WDFY4: variants seen among roughly 807,000 people sequenced by gnomAD.
The protein encoded by WDFY4 is WDFY family member 4.
WDFY4 carries 169 observed loss-of-function variants against 351.9 expected under a neutral mutation model. The observed-to-expected ratio is 0.48, with a 90% CI of 0.42 to 0.55. The LOEUF is 0.55. Ranked by LOEUF, WDFY4 falls within the 20% of genes least tolerant of loss-of-function variation. WDFY4 has a pLI of 0.00. For synonymous variants in WDFY4, 1,622 were observed against 1,574.6 expected (o/e 1.03, Z -0.71); for missense variants, 3,803 against 3,935.6 (o/e 0.97, Z 0.90).
At chr10:48,961,379 C>A (rs1262047983) in intron 53 of WDFY4, among the ~76,000 whole-genome samples, 1 of 152,028 alleles carries the variant, frequency 6.6e-6, no homozygotes, top group Non-Finnish European at 1.5e-5. Flanking sequence ...AAGATGTAGC[C>A]AAAAACAGGT....
intron 39 of WDFY4, among the ~76,000 whole-genome samples, chr10:48,850,682 A>C (rs1373518429): frequency 6.6e-6 from 1 of 152,194 alleles, no homozygotes; most frequent in Non-Finnish European, 1.5e-5. Flanking sequence ...GAGTACCCTG[A>C]GTGTTGGCCC....
chr10:48,760,537 C>T (rs1283280138), intron 13 of WDFY4, 97 bp downstream of exon 13: 1 of 1,205,620 alleles, frequency 8.3e-7, no homozygotes, highest in East Asian at 2.6e-5. Context: ...TTGTCCGTGT[C>T]TTCAGTGCCC....
rs368877125 is a variant in WDFY4, at chr10:48,729,669, C to T, written c.1129+80C>T. The T allele has an allele frequency of 6.1e-6, 9 of 1,486,058 alleles. 1 individual carries two copies. The African/African-American group carries it at 1.1e-4, about 18-fold the overall frequency. 92.1% of individuals were successfully genotyped at this position (1,486,058 alleles called of 1,614,324 possible). A position where few individuals can be genotyped will look rare whatever the true frequency, so the allele number is the denominator to read the frequency against. ...GGCTACAGAGGGTCTTCTCCTGATTCTTTGTGTACCTTTCAATGGTGCAGT... is the reference window on the plus strand; with the variant it reads ...GGCTACAGAGGGTCTTCTCCTGATTTTTTGTGTACCTTTCAATGGTGCAGT... On this transcript the variant is annotated intron_variant, in intron 8 of 61. Transcript: ENST00000325239.
intron 51 of WDFY4, among the ~76,000 whole-genome samples, chr10:48,955,153 T>C (rs1422916565): frequency 6.6e-6 from 1 of 152,230 alleles, no homozygotes; most frequent in Non-Finnish European, 1.5e-5. Context: ...TACATTTCAA[T>C]GAGTGACTCG....
intron 47 of WDFY4, among the ~76,000 whole-genome samples, chr10:48,908,584 C>A (rs1279050757): frequency 2.0e-5 from 3 of 151,404 alleles, no homozygotes; most frequent in African/African-American, 4.9e-5. Context: ...CAGCACTGGG[C>A]AGATGTATAA....
Position 48,799,894 on chromosome 10 carries a change from T to C in WDFY4, c.4411-3392T>C, listed in dbSNP as rs139705846. Among the ~76,000 whole-genome samples the C allele has an allele frequency of 2.1e-3, 318 of 152,254 alleles. 1 individual carries two copies. Among genetic ancestry groups the C allele is most frequent in the African/African-American group, 7.4e-3 (307 of 41,542 alleles). ...CTTTTGGTTTTGGGTTTTTGTTTTT[T>C]GTTTTTTTTTGAGACAGAGTCTCAC... On this transcript the variant is annotated intron_variant, in intron 24 of 61. Transcript: ENST00000325239.
chr10:48,800,692 T>TTCTTTC (rs2067042943), intron 24 of WDFY4, among the ~76,000 whole-genome samples: 1 of 137,262 alleles, frequency 7.3e-6, no homozygotes, highest in Non-Finnish European at 1.5e-5. Flanking sequence ...CTTTCTTTCT[T>TTCTTTC]TCTTTCTTTC....
chr10:48,740,287 T>C lies in WDFY4; in HGVS notation c.1879-2681T>C, dbSNP rs1038616853. 3.9e-5 allele frequency among the ~76,000 whole-genome samples: 6 copies of C among 152,226 alleles called. No individual in the cohort carries two copies. The South Asian group carries it at 1.2e-3, about 31-fold the overall frequency. ...ACATCGCAGTGAACAGCCTTTGGTA[T>C]GGTTTATCAGTTAGAAAGGAGGGAC... is the stretch of plus-strand genomic sequence containing the variant. On this transcript the variant is annotated intron_variant, in intron 11 of 61. Transcript: ENST00000325239.
At chr10:48,969,995 A>G (rs1842267969) in intron 56 of WDFY4, 136 bp from the exon 57 acceptor site, 2 of 1,099,450 alleles carry the variant, frequency 1.8e-6, no homozygotes, top group South Asian at 1.7e-5. Flanking sequence ...TTTGTCACCA[A>G]GAACTGGCTC....
Position 48,743,092 on chromosome 10 carries a change from C to G in WDFY4, c.2003C>G (p.Ala668Gly), listed in dbSNP as rs2064903771. The change falls in exon 12 of 62, where the codon GCA becomes GGA. Residue 668 changes from alanine to glycine, a missense_variant. Around this residue, in one of 3 missense-constraint regions of WDFY4, gnomAD observed 3,054 missense variants for 3,148.6 expected, o/e 0.97. Coordinates refer to ENST00000325239, the MANE Select transcript of WDFY4 (RefSeq NM_001394531.1). ...TCCCTCCAGGAGCCCCCGCTGCAGG[C>G]ATGGGGAGCAGTATCCCCCAGACAG... is the stretch of plus-strand genomic sequence containing the variant. ...EGSLQEPPLQ[A>G]WGAVSPRQTL... 1 of 1,551,606 alleles carries G rather than the reference C, an allele frequency of 6.4e-7. No individual in the cohort carries two copies. Among genetic ancestry groups the G allele is most frequent in the African/African-American group, 1.4e-5 (1 of 73,040 alleles).
At chr10:48,888,006 C>T (rs552266779) in intron 43 of WDFY4, among the ~76,000 whole-genome samples, 1 of 152,082 alleles carries the variant, frequency 6.6e-6, no homozygotes, top group Admixed American at 6.6e-5. Flanking sequence ...GGAAAATTAT[C>T]TAAGATGAAT....
At chr10:48,794,111 C>G (rs1311854904) in intron 23 of WDFY4, among the ~76,000 whole-genome samples, 1 of 152,126 alleles carries the variant, frequency 6.6e-6, no homozygotes, top group Non-Finnish European at 1.5e-5. Context: ...ATAGCCTTAC[C>G]ACTGTGGGGA....
chr10:48,764,765 G>A (rs993672427), intron 13 of WDFY4, among the ~76,000 whole-genome samples: 1 of 152,234 alleles, frequency 6.6e-6, no homozygotes, highest in Non-Finnish European at 1.5e-5. Flanking sequence ...CACCTACTAT[G>A]TGCCTTTGGG....
chr10:48,761,433 C>T lies in WDFY4; in HGVS notation c.2553+993C>T, dbSNP rs74802016. On this transcript the variant is annotated intron_variant, in intron 13 of 61. Transcript: ENST00000325239. ...GGCAAGAGTTAGGAGTCTCTGCCTG[C>T]GGTCCATGTGATGTGTGGTGATAGC... Among the ~76,000 whole-genome samples the T allele has an allele frequency of 1.4e-3, 219 of 152,152 alleles. 3 individuals are homozygous for T. Among genetic ancestry groups the T allele is most frequent in the Middle Eastern group, 0.014 (4 of 294 alleles).
chr10:48,796,577 C>G (rs915650460), intron 24 of WDFY4, 127 bp downstream of exon 24: 2 of 1,304,632 alleles, frequency 1.5e-6, no homozygotes, highest in Non-Finnish European at 2.1e-6. Flanking sequence ...AGAGGGAAAA[C>G]CAAACGAGCC....
At chr10:48,840,459 A>G (rs556425851) in intron 39 of WDFY4, among the ~76,000 whole-genome samples, 10 of 150,494 alleles carry the variant, frequency 6.6e-5, no homozygotes, top group South Asian at 2.1e-4. Flanking sequence ...TCTCTCACGC[A>G]CACACACACA....
chr10:48,743,672 A>G, intron 12 of WDFY4, 124 bp downstream of exon 12: 2 of 1,141,960 alleles, frequency 1.8e-6, no homozygotes, highest in Non-Finnish European at 2.4e-6. Flanking sequence ...ATGTCATGTG[A>G]CCTCAACTTC....
intron 52 of WDFY4, 78 bp downstream of exon 52, chr10:48,957,360 A>G: frequency 6.6e-7 from 1 of 1,507,700 alleles, no homozygotes; most frequent in Non-Finnish European, 9.0e-7. Flanking sequence ...GATGACCAAC[A>G]TCATCTGGAC....
intron 47 of WDFY4, among the ~76,000 whole-genome samples, chr10:48,928,353 C>CGT (rs3081490): frequency 0.2 from 25,242 of 124,778 alleles, 2,566 homozygotes; most frequent in Non-Finnish European, 0.25. Flanking sequence ...TTGGTTTTGA[C>CGT]GTGTGTGTGT....
Sources: allele counts gnomAD v4.1 joint callset (sites outside exome capture counted in the v4.1 genomes callset), GRCh38; gene constraint gnomAD v4.1.1; regional missense constraint gnomAD v4.1.1; transcripts MANE v1.5; gene names NCBI Gene and HGNC (gene_info 2026-07-23, HGNC 2026-07-21).